The following PLEKHS1 variants were observed in gnomAD, a reference collection of about 807,000 sequenced individuals.
PLEKHS1 encodes pleckstrin homology domain-containing family S member 1.
In PLEKHS1, 55 loss-of-function variants were observed where a neutral mutation model predicts 51.0. The ratio of observed to expected loss-of-function variants is 1.08; its 90% confidence interval spans 0.87 to 1.35. PLEKHS1 has a LOEUF of 1.35. Among genes scored for constraint, PLEKHS1 ranks in the 40% most tolerant of loss-of-function variants. PLEKHS1 has a pLI of 0.00. For synonymous variants in PLEKHS1, 153 were observed against 144.8 expected, an observed-to-expected ratio of 1.06 and a Z score of -0.41; for missense variants, 398 against 423.0, an observed-to-expected ratio of 0.94 and a Z score of 0.52.
Position 113,768,476 on chromosome 10 carries a change from C to T in PLEKHS1, c.360-339C>T, listed in dbSNP as rs1325421300. Among the ~76,000 whole-genome samples, 3 of 152,220 alleles carry T rather than the reference C, an allele frequency of 2.0e-5. No individual in the cohort carries two copies. The East Asian group carries it at 5.8e-4, about 29-fold the overall frequency. On this transcript the variant is annotated intron_variant, in intron 5 of 11. Coordinates refer to ENST00000361048, the Ensembl canonical transcript of PLEKHS1. ...CATGCACTCCCTAAGGGAAGGCCCACCTGCATAGTTACACAAAAATGACAC... is the reference window on the plus strand; with the variant it reads ...CATGCACTCCCTAAGGGAAGGCCCATCTGCATAGTTACACAAAAATGACAC...
intron 2 of PLEKHS1, chr10:113,765,387 G>A: frequency 1.3e-6 from 1 of 779,398 alleles, no homozygotes; most frequent in Non-Finnish European, 2.4e-6. Context: ...CAGTATGGCT[G>A]GAGGTAACAA....
At chr10:113,756,392 C>T (rs1222424896) in intron 2 of PLEKHS1, among the ~76,000 whole-genome samples, 1 of 151,972 alleles carries the variant, frequency 6.6e-6, no homozygotes, top group Non-Finnish European at 1.5e-5. Context: ...ACCTGGGAGG[C>T]AGAGGTTGCA....
chr10:113,763,023 T>C (rs1844011973), intron 2 of PLEKHS1, among the ~76,000 whole-genome samples: 1 of 152,114 alleles, frequency 6.6e-6, no homozygotes, highest in Admixed American at 6.5e-5. Flanking sequence ...ATTTGTTCTA[T>C]CAGTTCTTGA....
chr10:113,753,134 A>G (rs1475663533), intron 1 of PLEKHS1, among the ~76,000 whole-genome samples: 1 of 152,136 alleles, frequency 6.6e-6, no homozygotes, highest in Non-Finnish European at 1.5e-5. Flanking sequence ...GCTTTAAAAT[A>G]TGCCACCCAC....
At chr10:113,778,608 G>A (rs992233596) in intron 11 of PLEKHS1, among the ~76,000 whole-genome samples, 16 of 150,138 alleles carry the variant, frequency 1.1e-4, no homozygotes, top group African/African-American at 3.9e-4. Flanking sequence ...TATATAACTA[G>A]TTAGTGGCAG....
At chr10:113,763,474 ATTG>A (rs1335677650) in intron 2 of PLEKHS1, among the ~76,000 whole-genome samples, 1 of 152,096 alleles carries the variant, frequency 6.6e-6, no homozygotes, top group East Asian at 1.9e-4. Flanking sequence ...AATGTATCAT[ATTG>A]TTATTTATTT....
exon 12 of PLEKHS1, chr10:113,780,760 G>A (rs1844840553): frequency 6.4e-7 from 1 of 1,562,498 alleles, no homozygotes. Context: ...AAAAGAGCCA[G>A]CAGAAAGGAG....
At chr10:113,764,871 TC>T (rs2134508974) in intron 2 of PLEKHS1, 1 of 153,490 alleles carries the variant, frequency 6.5e-6, no homozygotes, top group East Asian at 1.9e-4. Context: ...CTGCTCTTAC[TC>T]CCATCCAGTG....
intron 2 of PLEKHS1, among the ~76,000 whole-genome samples, chr10:113,755,643 AT>A (rs1168659178): frequency 6.6e-6 from 1 of 151,966 alleles, no homozygotes; most frequent in Non-Finnish European, 1.5e-5. Context: ...GGCCTAGGTG[AT>A]TCCCCACCTC....
chr10:113,780,768 G>A lies in PLEKHS1; in HGVS notation c.*166G>A, dbSNP rs944396348. 9 of 1,555,220 alleles carry A rather than the reference G, an allele frequency of 5.8e-6. No individual in the cohort carries two copies. The Admixed American group carries it at 9.6e-5, about 17-fold the overall frequency. On this transcript the variant is annotated 3_prime_UTR_variant, in exon 12 of 12. Transcript: ENST00000361048. ...GCCATTAAAAAGAGCCAGCAGAAAGGAGCCAGGGAGTAACGCACCCCAGAC... is the reference window on the plus strand; with the variant it reads ...GCCATTAAAAAGAGCCAGCAGAAAGAAGCCAGGGAGTAACGCACCCCAGAC...
chr10:113,777,369 T>G, intron 11 of PLEKHS1, 110 bp downstream of exon 12: 1 of 1,609,406 alleles, frequency 6.2e-7, no homozygotes, highest in Admixed American at 1.7e-5. Flanking sequence ...AGGTTCCTCA[T>G]TCTTCCACCA....
chr10:113,777,122 AGT>A (rs1286875059), intron 11 of PLEKHS1: 2 of 1,612,440 alleles, frequency 1.2e-6, no homozygotes, highest in Admixed American at 3.3e-5. Flanking sequence ...TTCCCACTGC[AGT>A]GTGTCTCAGT....
intron 2 of PLEKHS1, among the ~76,000 whole-genome samples, chr10:113,759,540 C>T (rs936869915): frequency 2.0e-5 from 3 of 152,192 alleles, no homozygotes; most frequent in East Asian, 1.9e-4. Context: ...AGCATACACC[C>T]TTTTGTCTGA....
chr10:113,762,365 C>CTTTTTTTTTTTT (rs34457408), intron 2 of PLEKHS1, among the ~76,000 whole-genome samples: 150 of 61,798 alleles, frequency 2.4e-3, no homozygotes, highest in Middle Eastern at 0.017. Flanking sequence ...AGATTTGTTC[C>CTTTTTTTTTTTT]TTTTTTTTTT....
At chr10:113,774,150 C>A in intron 8 of PLEKHS1, 77 bp from the exon 9 acceptor site, 3 of 823,564 alleles carry the variant, frequency 3.6e-6, no homozygotes, top group South Asian at 3.1e-5. Context: ...GAGCCCAGAG[C>A]TGTTAATACT....
At chr10:113,766,049 G>A (rs1052630855) in intron 2 of PLEKHS1, among the ~76,000 whole-genome samples, 2 of 152,120 alleles carry the variant, frequency 1.3e-5, no homozygotes, top group African/African-American at 4.8e-5. Context: ...TTAATAGCAG[G>A]TGCTTTTGCT....
At chr10:113,770,517 G>A (rs2134541676) in intron 7 of PLEKHS1, among the ~76,000 whole-genome samples, 1 of 152,144 alleles carries the variant, frequency 6.6e-6, no homozygotes, top group East Asian at 1.9e-4. Flanking sequence ...TTGTTCTCTG[G>A]CACGGATACT....
downstream of PLEKHS1, chr10:113,782,601 G>C (rs1025916671): frequency 3.3e-5 from 5 of 152,114 alleles, no homozygotes; most frequent in Admixed American, 3.3e-4. Context: ...GTAAGTTCTC[G>C]TGAGATCTGG....
chr10:113,752,230 C>T (rs998535892), intron 1 of PLEKHS1, among the ~76,000 whole-genome samples: 3 of 152,162 alleles, frequency 2.0e-5, no homozygotes, highest in South Asian at 4.2e-4. Context: ...TTAATCTCTC[C>T]GATAACCATT....
Sources: allele counts gnomAD v4.1 joint callset (sites outside exome capture counted in the v4.1 genomes callset), GRCh38; gene constraint gnomAD v4.1.1; transcripts MANE v1.5; gene names NCBI Gene and HGNC (gene_info 2026-07-23, HGNC 2026-07-21).